The following ZNF536 variants were observed in gnomAD, a reference collection of about 807,000 sequenced individuals.
ZNF536 encodes the protein zinc finger protein 536.
ZNF536 carries 13 observed loss-of-function variants against 84.5 expected under a neutral mutation model. The ratio of observed to expected loss-of-function variants is 0.15; its 90% confidence interval spans 0.10 to 0.24. The LOEUF is 0.24. Among genes scored for constraint, ZNF536 ranks in the 10% least tolerant of loss-of-function variants. The pLI is 1.00. For missense variants in ZNF536, 1,536 were observed against 1,747.5 expected, an observed-to-expected ratio of 0.88 and a Z score of 2.16; for synonymous variants, 811 against 742.5, an observed-to-expected ratio of 1.09 and a Z score of -1.50.
intron 1 of ZNF536, among the ~76,000 whole-genome samples, chr19:30,586,336 G>T (rs183107157): frequency 2.0e-5 from 3 of 152,228 alleles, no homozygotes; most frequent in African/African-American, 7.2e-5. Context: ...CCCAGCATGC[G>T]CTGGTTAGTG....
At chr19:30,471,665 A>G (rs778925312) in intron 2 of ZNF536, among the ~76,000 whole-genome samples, 3 of 152,226 alleles carry the variant, frequency 2.0e-5, no homozygotes, top group African/African-American at 2.4e-5. Flanking sequence ...GCAAAACAGT[A>G]TCACGGGCAG....
intron 2 of ZNF536, among the ~76,000 whole-genome samples, chr19:30,449,552 G>A (rs988558659): frequency 5.3e-5 from 8 of 152,184 alleles, no homozygotes; most frequent in Admixed American, 4.6e-4. Context: ...CAACAGGGCA[G>A]TTACCTTCTG....
At chr19:30,274,942 G>C (rs2026045071) in intron 1 of ZNF536, among the ~76,000 whole-genome samples, 1 of 152,220 alleles carries the variant, frequency 6.6e-6, no homozygotes, top group African/African-American at 2.4e-5. Flanking sequence ...TTGAGTTCAT[G>C]TGGTGATACA....
downstream of ZNF536, among the ~76,000 whole-genome samples, chr19:30,559,824 G>A (rs964726769): frequency 2.0e-5 from 3 of 152,132 alleles, no homozygotes; most frequent in African/African-American, 7.2e-5. Flanking sequence ...TTCCATGGGG[G>A]CCCAATCCCC....
chr19:30,263,186 G>A (rs1228508827), intron 1 of ZNF536, among the ~76,000 whole-genome samples: 3 of 152,224 alleles, frequency 2.0e-5, no homozygotes, highest in Non-Finnish European at 4.4e-5. Context: ...ATAGCAAACA[G>A]TACATGCTCA....
chr19:30,545,147 G>A (rs1201417949), intron 3 of ZNF536, among the ~76,000 whole-genome samples: 1 of 152,108 alleles, frequency 6.6e-6, no homozygotes, highest in Non-Finnish European at 1.5e-5. Flanking sequence ...TGGGGAGGTG[G>A]GACCAGGTAT....
Position 30,233,984 on chromosome 19 carries a change from C to T in ZNF536, c.-190+5311C>T, listed in dbSNP as rs547213848. On this transcript the variant is annotated intron_variant, in intron 1 of 5. Coordinates refer to the ZNF536 transcript ENST00000585628. ...GGGGCTGGTAGGGCCAAAGCAAGCA[C>T]TCTTTGGGGTGGACCAAAGCCTCCA... Among the ~76,000 whole-genome samples the T allele has an allele frequency of 2.6e-4, 39 of 152,286 alleles. No individual in the cohort carries two copies. The South Asian group carries it at 6.8e-3, about 27-fold the overall frequency.
At chr19:30,325,897 C>A (rs2047007893) in intron 2 of ZNF536, among the ~76,000 whole-genome samples, 1 of 152,176 alleles carries the variant, frequency 6.6e-6, no homozygotes, top group African/African-American at 2.4e-5. Context: ...CGCCTCTCCT[C>A]TAACTGTGAC....
At chr19:30,668,194 A>G (rs549519714) in intron 1 of ZNF536, among the ~76,000 whole-genome samples, 1 of 152,254 alleles carries the variant, frequency 6.6e-6, no homozygotes, top group Non-Finnish European at 1.5e-5. Context: ...CAGGAAATAA[A>G]TTTTTGCAAA....
At chr19:30,647,839 C>T (rs1315783703) in intron 1 of ZNF536, among the ~76,000 whole-genome samples, 2 of 152,192 alleles carry the variant, frequency 1.3e-5, no homozygotes, top group Non-Finnish European at 2.9e-5. Flanking sequence ...CCCCAGCTGT[C>T]CTACAGCAAG....
At chr19:30,562,610 A>T (rs2046212679), downstream of ZNF536, among the ~76,000 whole-genome samples, 1 of 152,076 alleles carries the variant, frequency 6.6e-6, no homozygotes, top group African/African-American at 2.4e-5. Context: ...TTTTATGATG[A>T]TCAGGTTATC....
chr19:30,660,872 T>C (rs1338875148), intron 1 of ZNF536, among the ~76,000 whole-genome samples: 2 of 152,236 alleles, frequency 1.3e-5, no homozygotes, highest in South Asian at 2.1e-4. Flanking sequence ...TTTATGTGCA[T>C]GTGTGTACAT....
chr19:30,558,463 G>C (rs1236183169), downstream of ZNF536, among the ~76,000 whole-genome samples: 2 of 152,184 alleles, frequency 1.3e-5, no homozygotes, highest in African/African-American at 4.8e-5. Flanking sequence ...ATGTGGAAAC[G>C]CTGACACCCA....
intron 2 of ZNF536, among the ~76,000 whole-genome samples, chr19:30,522,790 A>G (rs73024900): frequency 0.096 from 14,673 of 152,156 alleles, 966 homozygotes; most frequent in Non-Finnish European, 0.15. Flanking sequence ...AGGGGCTTTC[A>G]ATTATCTTAA....
chr19:30,262,889 C>T (rs1568540863), intron 1 of ZNF536, among the ~76,000 whole-genome samples: 1 of 152,162 alleles, frequency 6.6e-6, no homozygotes, highest in African/African-American at 2.4e-5. Context: ...AATTTCTGCC[C>T]TCGTGGAATT....
chr19:30,573,582 C>G (rs1220784904), intron 1 of ZNF536, among the ~76,000 whole-genome samples: 1 of 152,206 alleles, frequency 6.6e-6, no homozygotes, highest in African/African-American at 2.4e-5. Flanking sequence ...CAGCCATCCT[C>G]CAACTCCCCC....
chr19:30,283,368 T>A (rs1384356058), intron 1 of ZNF536, among the ~76,000 whole-genome samples: 1 of 152,200 alleles, frequency 6.6e-6, no homozygotes, highest in African/African-American at 2.4e-5. Context: ...TAGATGAACA[T>A]CCCAGCTTTC....
At chr19:30,290,279 G>A (rs1004194295) in intron 2 of ZNF536, among the ~76,000 whole-genome samples, 21 of 151,960 alleles carry the variant, frequency 1.4e-4, no homozygotes, top group African/African-American at 3.9e-4. Flanking sequence ...CTTTTTGTTC[G>A]CTTTTCTTTT....
downstream of ZNF536, among the ~76,000 whole-genome samples, chr19:30,562,393 T>C (rs1371414689): frequency 6.6e-6 from 1 of 152,206 alleles, no homozygotes; most frequent in Non-Finnish European, 1.5e-5. Flanking sequence ...ATCCTGAAGA[T>C]ATTTCTGTTA....
Sources: allele counts gnomAD v4.1 joint callset (sites outside exome capture counted in the v4.1 genomes callset), GRCh38; gene constraint gnomAD v4.1.1; transcripts MANE v1.5; gene names NCBI Gene and HGNC (gene_info 2026-07-23, HGNC 2026-07-21).